SAMD5: variants seen among roughly 807,000 people sequenced by gnomAD.
SAMD5 encodes the protein sterile alpha motif domain-containing protein 5.
A neutral mutation model predicts 11.3 loss-of-function variants in SAMD5; 13 were observed. The observed-to-expected ratio is 1.15, with a 90% CI of 0.75 to 1.83. SAMD5 has a LOEUF of 1.83. Among genes scored for constraint, SAMD5 ranks in the 40% most tolerant of loss-of-function variants. The probability of loss-of-function intolerance (pLI) is 0.00; values close to 1 mark genes in which losing one functional copy is unlikely to be tolerated. For synonymous variants in SAMD5, 129 were observed against 111.3 expected (o/e 1.16, Z -1.00); for missense variants, 255 against 239.1 (o/e 1.07, Z -0.44).
chr6:147,917,675 G>A, the SAMD5 span, among the ~76,000 whole-genome samples: 1 of 152,154 alleles, frequency 6.6e-6, no homozygotes, highest in African/African-American at 2.4e-5. Flanking sequence ...TTCTTCTAGG[G>A]TTTTTATGGT....
intron 1 of SAMD5, among the ~76,000 whole-genome samples, chr6:147,716,760 A>C (rs1583151191): frequency 6.6e-6 from 1 of 152,240 alleles, no homozygotes; most frequent in African/African-American, 2.4e-5. Flanking sequence ...ATTGCATTAA[A>C]CTAAAGATAC....
chr6:147,906,706 A>C, the SAMD5 span, among the ~76,000 whole-genome samples: 1 of 152,192 alleles, frequency 6.6e-6, no homozygotes, highest in Non-Finnish European at 1.5e-5. Context: ...ACTTACATAA[A>C]ATCATAAACT....
chr6:147,644,688 C>T (rs981986019), intron 1 of SAMD5, among the ~76,000 whole-genome samples: 3 of 152,120 alleles, frequency 2.0e-5, no homozygotes, highest in African/African-American at 4.8e-5. Context: ...ATTGATTTTC[C>T]AAGGTCACTT....
the SAMD5 span, among the ~76,000 whole-genome samples, chr6:147,945,340 C>T: frequency 6.6e-6 from 1 of 152,214 alleles, no homozygotes; most frequent in African/African-American, 2.4e-5. Flanking sequence ...CATTTTACCA[C>T]ATGCTGCCTT....
the SAMD5 span, among the ~76,000 whole-genome samples, chr6:147,778,825 G>A: frequency 2.3e-4 from 35 of 151,592 alleles, no homozygotes; most frequent in African/African-American, 8.3e-4. Flanking sequence ...TTTCTGGTTT[G>A]TCTCCTTTGC....
the SAMD5 span, among the ~76,000 whole-genome samples, chr6:147,809,785 G>C: frequency 6.6e-6 from 1 of 152,180 alleles, no homozygotes; most frequent in African/African-American, 2.4e-5. Context: ...GATCATTCTT[G>C]GTTGTGAGGG....
rs1789015637 is a variant in SAMD5, at chr6:147,565,140, A to G, written c.*684A>G. On this transcript the variant is annotated 3_prime_UTR_variant, in exon 2 of 2. Coordinates refer to ENST00000367474, the MANE Select transcript of SAMD5 (RefSeq NM_001030060.3). ...AATCTGGCTGAGGTTTAGTATTAGG[A>G]CTAATACAAGTGTCTTGCTCTGACA... The G allele has an allele frequency of 1.0e-6, 1 of 981,174 alleles. No homozygotes were observed. Among genetic ancestry groups the G allele is most frequent in the African/African-American group, 1.7e-5 (1 of 57,172 alleles). The allele number at this position is 981,174 out of a possible 1,614,324, so 60.8% of individuals were successfully genotyped here. A position where few individuals can be genotyped will look rare whatever the true frequency, so the allele number is the denominator to read the frequency against.
chr6:147,705,780 A>G (rs1399155610), intron 1 of SAMD5, among the ~76,000 whole-genome samples: 1 of 152,230 alleles, frequency 6.6e-6, no homozygotes, highest in African/African-American at 2.4e-5. Flanking sequence ...GGGCATAATT[A>G]TCTGCTGCTT....
chr6:147,580,616 G>A (rs930066353), intron 1 of SAMD5, among the ~76,000 whole-genome samples: 2 of 152,156 alleles, frequency 1.3e-5, no homozygotes, highest in Non-Finnish European at 2.9e-5. Context: ...GTGTGACTGA[G>A]GACTAGACTT....
At chr6:147,600,378 AC>A (rs1417673410) in intron 1 of SAMD5, among the ~76,000 whole-genome samples, 1 of 152,096 alleles carries the variant, frequency 6.6e-6, no homozygotes, top group East Asian at 1.9e-4. Flanking sequence ...GAGATGGCAA[AC>A]TTTTCTTTGA....
chr6:147,706,229 T>C (rs946414640), intron 1 of SAMD5, among the ~76,000 whole-genome samples: 16 of 152,136 alleles, frequency 1.1e-4, no homozygotes, highest in African/African-American at 3.9e-4. Context: ...TTTTTTGTTT[T>C]TGTTTTTTTC....
rs1788446342 is a variant in SAMD5, at chr6:147,532,603, G to A, written c.459+23216G>A. ...TGCTGCTATAAACAAGTTTGTGCAT[G>A]TGTCTTTTTCATATAAAGACTTCTT... On this transcript the variant is annotated intron_variant, in intron 1 of 1. Coordinates refer to ENST00000367474, the MANE Select transcript of SAMD5 (RefSeq NM_001030060.3). 2.0e-5 allele frequency among the ~76,000 whole-genome samples: 3 copies of A among 152,166 alleles called. No individual in the cohort carries two copies. The South Asian group carries it at 6.2e-4, about 32-fold the overall frequency.
chr6:147,907,165 T>G, the SAMD5 span, among the ~76,000 whole-genome samples: 1 of 152,152 alleles, frequency 6.6e-6, no homozygotes, highest in Non-Finnish European at 1.5e-5. Context: ...TCTAAAGTAG[T>G]CTTCACTCTT....
chr6:147,697,432 A>G (rs546361130), intron 1 of SAMD5, among the ~76,000 whole-genome samples: 5 of 152,212 alleles, frequency 3.3e-5, no homozygotes, highest in Non-Finnish European at 5.9e-5. Context: ...TACAGAAAAC[A>G]TGGGGTATGT....
At chr6:147,911,233 C>T in the SAMD5 span, among the ~76,000 whole-genome samples, 13 of 152,292 alleles carry the variant, frequency 8.5e-5, no homozygotes, top group South Asian at 4.1e-4. Context: ...TGGATGGCTA[C>T]GTCAATGCTG....
chr6:147,879,959 C>T, the SAMD5 span, among the ~76,000 whole-genome samples: 3 of 152,128 alleles, frequency 2.0e-5, no homozygotes, highest in Admixed American at 6.5e-5. Flanking sequence ...AACCCTTACC[C>T]CTTTGTTATT....
At chr6:147,882,579 G>T in the SAMD5 span, among the ~76,000 whole-genome samples, 2 of 152,158 alleles carry the variant, frequency 1.3e-5, no homozygotes, top group African/African-American at 4.8e-5. Context: ...AACATAGCAA[G>T]ACTCTGCCTC....
chr6:147,924,432 A>T, the SAMD5 span, among the ~76,000 whole-genome samples: 1 of 152,164 alleles, frequency 6.6e-6, no homozygotes, highest in Non-Finnish European at 1.5e-5. Context: ...TCTTCATATT[A>T]CTATTATTTG....
chr6:147,902,527 A>G, the SAMD5 span, among the ~76,000 whole-genome samples: 3 of 152,312 alleles, frequency 2.0e-5, no homozygotes, highest in East Asian at 1.9e-4. Context: ...CTCAGAATCT[A>G]CATGAACCTG....
Sources: gnomAD v4.1 joint callset for allele counts (sites outside exome capture counted in the v4.1 genomes callset) on GRCh38, gnomAD v4.1.1 for gene constraint, MANE v1.5 for transcripts, NCBI Gene and HGNC (gene_info 2026-07-23, HGNC 2026-07-21) for gene names.